The following DCC variants were observed in gnomAD, a reference collection of about 807,000 sequenced individuals.
DCC encodes the protein DCC netrin 1 receptor.
A neutral mutation model predicts 172.5 loss-of-function variants in DCC; 58 were observed. The ratio of observed to expected loss-of-function variants is 0.34; its 90% CI spans 0.27 to 0.42. DCC has a LOEUF of 0.42. DCC is among the 10% of genes least tolerant of loss of function. The pLI is 1.00. For synonymous variants in DCC, 709 were observed against 644.5 expected (o/e 1.10, Z -1.52); for missense variants, 1,740 against 1,791.0 (o/e 0.97, Z 0.51).
chr18:53,341,441 A>G (rs2057658464), intron 15 of DCC, among the ~76,000 whole-genome samples: 1 of 152,226 alleles, frequency 6.6e-6, no homozygotes, highest in African/African-American at 2.4e-5. Context: ...CAAGAAAAAC[A>G]GAAAACTCTG....
intron 7 of DCC, among the ~76,000 whole-genome samples, chr18:53,127,359 C>CCCTCATAGTTT (rs1568320297): frequency 1.3e-5 from 2 of 151,976 alleles, no homozygotes; most frequent in East Asian, 3.9e-4. Flanking sequence ...GCTTCCGATT[C>CCCTCATAGTTT]CCTCATACTT....
intron 11 of DCC, among the ~76,000 whole-genome samples, chr18:53,215,148 A>G (rs1332045514): frequency 2.0e-5 from 3 of 152,212 alleles, no homozygotes; most frequent in African/African-American, 7.2e-5. Context: ...AAATTTTATC[A>G]TAAAATTATG....
At chr18:53,463,121 CAG>C (rs1471084476) in intron 24 of DCC, among the ~76,000 whole-genome samples, 1 of 152,122 alleles carries the variant, frequency 6.6e-6, no homozygotes, top group Non-Finnish European at 1.5e-5. Flanking sequence ...GACTGGATAT[CAG>C]GGAGGGGAGA....
At chr18:52,373,245 C>T (rs780717717) in intron 1 of DCC, among the ~76,000 whole-genome samples, 1 of 152,086 alleles carries the variant, frequency 6.6e-6, no homozygotes, top group Non-Finnish European at 1.5e-5. Context: ...TTCCCCCTAC[C>T]CTCAAATGTG....
chr18:53,348,224 C>T (rs963719836), intron 15 of DCC, among the ~76,000 whole-genome samples: 4 of 152,154 alleles, frequency 2.6e-5, no homozygotes, highest in African/African-American at 7.2e-5. Context: ...TAAATACAGC[C>T]ATTCCAAATG....
intron 2 of DCC, among the ~76,000 whole-genome samples, chr18:52,778,149 TAAGG>T (rs1279679198): frequency 6.6e-6 from 1 of 152,156 alleles, no homozygotes; most frequent in African/African-American, 2.4e-5. Context: ...TTGAAAAACT[TAAGG>T]AAGAAATACA....
chr18:52,964,071 G>A (rs1306376109), intron 5 of DCC, among the ~76,000 whole-genome samples: 1 of 152,090 alleles, frequency 6.6e-6, no homozygotes, highest in East Asian at 1.9e-4. Flanking sequence ...GATATGATAA[G>A]TACAGTTAGA....
intron 3 of DCC, among the ~76,000 whole-genome samples, chr18:52,907,427 A>AT (rs1027708165): frequency 8.6e-5 from 13 of 150,672 alleles, no homozygotes; most frequent in Non-Finnish European, 1.9e-4. Context: ...ATATATACAT[A>AT]TTTTTTTTAG....
chr18:52,632,713 T>A (rs1204775915), intron 1 of DCC, among the ~76,000 whole-genome samples: 1 of 152,230 alleles, frequency 6.6e-6, no homozygotes, highest in African/African-American at 2.4e-5. Flanking sequence ...GGTTTCACGC[T>A]CCTATTTGTT....
chr18:53,094,977 TA>T (rs1434886887), intron 7 of DCC, among the ~76,000 whole-genome samples: 1 of 152,208 alleles, frequency 6.6e-6, no homozygotes, highest in African/African-American at 2.4e-5. Context: ...GCTTATCATT[TA>T]TGATTATGTC....
chr18:52,445,122 G>A (rs1361141322), intron 1 of DCC, among the ~76,000 whole-genome samples: 1 of 152,106 alleles, frequency 6.6e-6, no homozygotes, highest in Non-Finnish European at 1.5e-5. Flanking sequence ...AGAATAAAAG[G>A]AGAGGGAAGA....
At position 53,110,581 on chromosome 18, in the gene DCC, G is replaced by A. The variant is rs555988680; in HGVS notation, c.1261+44415G>A. On this transcript the variant is annotated intron_variant, in intron 7 of 28. Transcript: ENST00000442544. ...AAAACAAACAACCCTATCAAAAATT[G>A]GGCGAAGGACATGAACAGACACTTC... Among the ~76,000 whole-genome samples the A allele has an allele frequency of 1.1e-3, 174 of 151,688 alleles. 1 individual carries two copies. The highest frequency in any genetic ancestry group is 2.5e-3 in the Admixed American group (38 of 15,192).
intron 1 of DCC, among the ~76,000 whole-genome samples, chr18:52,372,885 C>T (rs895471599): frequency 3.3e-5 from 5 of 152,158 alleles, no homozygotes; most frequent in Admixed American, 6.5e-5. Context: ...AAAGAAGAGA[C>T]AACCATTGGA....
chr18:53,150,866 C>T (rs528821008), intron 7 of DCC, among the ~76,000 whole-genome samples: 13 of 152,300 alleles, frequency 8.5e-5, no homozygotes, highest in African/African-American at 2.2e-4. Flanking sequence ...AACCTAGCTC[C>T]GCACTCTCAG....
At chr18:52,827,980 T>G (rs866674045) in intron 2 of DCC, among the ~76,000 whole-genome samples, 26 of 152,274 alleles carry the variant, frequency 1.7e-4, no homozygotes, top group African/African-American at 6.3e-4. Context: ...TTTTTTCTTT[T>G]TTAAGCAAGG....
chr18:53,009,187 T>A (rs2041691295), intron 5 of DCC, among the ~76,000 whole-genome samples: 1 of 151,986 alleles, frequency 6.6e-6, no homozygotes. Flanking sequence ...TGAAGCATGA[T>A]GTCTTTCTTA....
At chr18:52,532,155 A>G (rs969074336) in intron 1 of DCC, among the ~76,000 whole-genome samples, 1 of 152,170 alleles carries the variant, frequency 6.6e-6, no homozygotes, top group African/African-American at 2.4e-5. Context: ...AACTTATTCT[A>G]AATTGAAAAA....
At chr18:52,899,046 A>G (rs2039773167) in intron 2 of DCC, among the ~76,000 whole-genome samples, 1 of 152,018 alleles carries the variant, frequency 6.6e-6, no homozygotes, top group South Asian at 2.1e-4. Context: ...TCCACACCTC[A>G]CCACCTCTAC....
intron 2 of DCC, among the ~76,000 whole-genome samples, chr18:52,761,840 C>T (rs908655037): frequency 2.1e-5 from 3 of 139,960 alleles, no homozygotes; most frequent in Non-Finnish European, 4.5e-5. Context: ...ACCCAGGAGG[C>T]AGAGCTTGCA....
Sources: allele counts gnomAD v4.1 joint callset (sites outside exome capture counted in the v4.1 genomes callset), GRCh38; gene constraint gnomAD v4.1.1; transcripts MANE v1.5; gene names NCBI Gene and HGNC (gene_info 2026-07-23, HGNC 2026-07-21).